The following ANKRD13D variants were observed in gnomAD, a reference collection of about 807,000 sequenced individuals.
ANKRD13D encodes the protein ankyrin repeat domain 13D, also known as ankyrin repeat domain-containing protein 13D.
In ANKRD13D, 24 loss-of-function variants were observed where a neutral mutation model predicts 68.8. That is an observed-to-expected ratio of 0.35 (90% CI 0.25 to 0.49). The LOEUF is 0.49. Among genes scored for constraint, ANKRD13D ranks in the 20% least tolerant of loss-of-function variants. ANKRD13D has a pLI of 0.99. For missense variants in ANKRD13D, 735 were observed against 832.1 expected, an observed-to-expected ratio of 0.88 and a Z score of 1.44; for synonymous variants, 331 against 336.1, an observed-to-expected ratio of 0.98 and a Z score of 0.16.
At chr11:67,291,844 A>G in intron 5 of ANKRD13D, 98 bp downstream of exon 5, 1 of 1,536,222 alleles carries the variant, frequency 6.5e-7, no homozygotes, top group Non-Finnish European at 8.7e-7. Context: ...CCAGATGTGG[A>G]AGCTGAGGTT....
Position 67,291,534 on chromosome 11 carries a change from C to T in ANKRD13D, c.397+13C>T, listed in dbSNP as rs762910949. ...TTCACCAGCTGGGGTGAGTGGGGAC[C>T]TCTGGGCTCCCAGGGATTTGGGGTG... is the stretch of plus-strand genomic sequence containing the variant. On this transcript the variant is annotated intron_variant, in intron 4 of 14. Coordinates refer to ENST00000511455, the MANE Select transcript of ANKRD13D (RefSeq NM_207354.3). The T allele has an allele frequency of 6.2e-7, 1 of 1,613,884 alleles. No individual in the cohort carries two copies. The highest frequency in any genetic ancestry group is 8.5e-7 in the Non-Finnish European group (1 of 1,179,972).
chr11:67,299,317 A>G lies in ANKRD13D; in HGVS notation c.798+193A>G. The stretch of plus-strand genomic sequence containing the variant: ...CACATCATGGGCCCCTACCCAGGGT[A>G]CCGAGATCAAAAGAGGAGTGTGTTC... On this transcript the variant is annotated intron_variant, in intron 7 of 14. Coordinates refer to ENST00000511455, the MANE Select transcript of ANKRD13D (RefSeq NM_207354.3). The surrounding 1 kb of genome is among the most constrained non-coding windows in gnomAD (Gnocchi z 6.2). 1 of 728,548 alleles carries G rather than the reference A, an allele frequency of 1.4e-6. No individual in the cohort carries two copies. Among genetic ancestry groups the G allele is most frequent in the Non-Finnish European group, 2.3e-6 (1 of 442,958 alleles). 45.1% of individuals were successfully genotyped at this position (728,548 alleles called of 1,614,324 possible).
At chr11:67,290,300 C>T (rs930392416) in intron 2 of ANKRD13D, 22 bp from the exon 3 acceptor site, 30 of 1,548,030 alleles carry the variant, frequency 1.9e-5, no homozygotes, top group Non-Finnish European at 2.6e-5. Flanking sequence ...GAGGGCTCCC[C>T]TCAGCAGCCT....
At chr11:67,298,762 T>C (rs1860859115) in intron 6 of ANKRD13D, 2 of 411,728 alleles carry the variant, frequency 4.9e-6, no homozygotes, top group Non-Finnish European at 9.0e-6. Flanking sequence ...CTAATGTTTC[T>C]AGTAAATGCT....
At position 67,302,153 on chromosome 11, in the gene ANKRD13D, C is replaced by G. The variant is rs1336347120; in HGVS notation, c.1639C>G (p.Pro547Ala). ...GGAAAGCCTGCAGCTGTCCACAGAG[C>G]CCAGGGGCCCAGGATCCCCTCCCAG... ...LQESLQLSTE[P>A]RGPGSPPRTP... Residue 547 changes from proline to alanine, a missense_variant, in exon 15 of 15, where the codon CCC becomes GCC. By Grantham distance (27) the Pro-to-Ala change is conservative. Coordinates refer to ENST00000511455, the MANE Select transcript of ANKRD13D (RefSeq NM_207354.3). The G allele has an allele frequency of 5.0e-6, 8 of 1,594,880 alleles. No individual in the cohort carries two copies. The highest frequency in any genetic ancestry group is 6.8e-6 in the Non-Finnish European group (8 of 1,171,732).
In ANKRD13D at chr11:67,301,416, A is replaced by G; in HGVS notation, c.1348+18A>G. 4 of 1,608,772 alleles carry G rather than the reference A, an allele frequency of 2.5e-6. No homozygotes were observed. The highest frequency in any genetic ancestry group is 3.4e-6 in the Non-Finnish European group (4 of 1,177,326). Reference sequence around the variant, plus strand: ...CGCATCAGGTACCCCAACGGGAGGAAGAGGGAGCCTGCACAGCTTTCTGGT... The same window carrying G: ...CGCATCAGGTACCCCAACGGGAGGAGGAGGGAGCCTGCACAGCTTTCTGGT... On this transcript the variant is annotated intron_variant, in intron 12 of 14. Coordinates refer to ENST00000511455, the MANE Select transcript of ANKRD13D (RefSeq NM_207354.3). This position sits in a 1 kb window ranked among gnomAD's most constrained non-coding sequence, Gnocchi z 4.5.
chr11:67,291,242 A>G, intron 3 of ANKRD13D: 1 of 530,320 alleles, frequency 1.9e-6, no homozygotes, highest in Non-Finnish European at 3.3e-6. Context: ...CTGTGGTCCC[A>G]GCTACTCGGG....
At chr11:67,290,274 G>C in intron 2 of ANKRD13D, 48 bp from the exon 3 acceptor site, 1 of 1,546,760 alleles carries the variant, frequency 6.5e-7, no homozygotes, top group Non-Finnish European at 8.7e-7. Flanking sequence ...TGAGCAGCCA[G>C]GCCTGGGGTC....
At position 67,290,171 on chromosome 11, in the gene ANKRD13D, C is replaced by T; in HGVS notation, c.184C>T (p.His62Tyr). The change falls in exon 2 of 15, where the codon CAC becomes TAC. Residue 62 changes from histidine to tyrosine, a missense_variant. Physicochemically the swap from His to Tyr is moderately conservative, Grantham distance 83. Transcript: ENST00000511455. ...GGAGTCTGTGAGAGTGCTCCTTCGA[C>T]ACAATGCCAACGTGGGCAAAGAGAA... ...NLESVRVLLR[H>Y]NANVGKENRQ... 1 of 1,537,422 alleles carries T rather than the reference C, an allele frequency of 6.5e-7. No homozygotes were observed. The highest frequency in any genetic ancestry group is 8.7e-7 in the Non-Finnish European group (1 of 1,146,904).
Position 67,301,516 on chromosome 11 carries a change from C to T in ANKRD13D, c.1377C>T (p.Pro459=), listed in dbSNP as rs145025950. Residue 459 remains proline, a synonymous_variant, in exon 13 of 15, where the codon CCC becomes CCT. Transcript: ENST00000511455. This position sits in a 1 kb window ranked among gnomAD's most constrained non-coding sequence, Gnocchi z 4.5. ...ACCCTTTCCCGTGCGAGGTGGACCCCACCGTGTTTGAAGTGCCCAACGGGT... is the reference window on the plus strand; with the variant it reads ...ACCCTTTCCCGTGCGAGGTGGACCCTACCGTGTTTGAAGTGCCCAACGGGT... The part of the protein sequence containing the change: ...SGNPFPCEVD[P]TVFEVPNGYS... The T allele has an allele frequency of 4.3e-5, 70 of 1,612,972 alleles. No homozygotes were observed. In the Middle Eastern group the frequency reaches 6.6e-4, roughly 15 times the overall value.
At position 67,289,366 on chromosome 11, in the gene ANKRD13D, G is replaced by A; in HGVS notation, c.-95G>A. 1.1e-6 allele frequency: 1 copy of A among 925,898 alleles called. No individual in the cohort carries two copies. The highest frequency in any genetic ancestry group is 1.4e-6 in the Non-Finnish European group (1 of 736,588). 57.4% of individuals were successfully genotyped at this position (925,898 alleles called of 1,614,324 possible). A position where few individuals can be genotyped will look rare whatever the true frequency, so the allele number is the denominator to read the frequency against. On this transcript the variant is annotated 5_prime_UTR_variant, in exon 1 of 15. Coordinates refer to ENST00000511455, the MANE Select transcript of ANKRD13D (RefSeq NM_207354.3). ...CGCCGCTACTGCTGCGGGGGCCGCGGGGGGCGCAGCTGGGGCGCGGCTCGG... is the reference window on the plus strand; with the variant it reads ...CGCCGCTACTGCTGCGGGGGCCGCGAGGGGCGCAGCTGGGGCGCGGCTCGG...
chr11:67,295,985 G>C (rs1437619129), intron 6 of ANKRD13D, among the ~76,000 whole-genome samples: 1 of 152,140 alleles, frequency 6.6e-6, no homozygotes, highest in African/African-American at 2.4e-5. Context: ...TTATTGATAT[G>C]ATCATGTGAT....
rs746414702 is a variant in ANKRD13D, at chr11:67,290,438, C to A, written c.343C>A (p.Leu115Ile). The A allele has an allele frequency of 6.3e-7, 1 of 1,583,462 alleles. No individual in the cohort carries two copies. The highest frequency in any genetic ancestry group is 8.6e-7 in the Non-Finnish European group (1 of 1,166,072). The change falls in exon 3 of 15, where the codon CTT becomes ATT. Residue 115 changes from leucine to isoleucine, a missense_variant. Leu to Ile is a conservative substitution (Grantham distance 5). Transcript: ENST00000511455. Reference sequence around the variant, plus strand: ...GGGCATTCCGGAACTGCTCAACAAACTTCGCCAGGTACAGCAGGGCACAGT... The same window carrying A: ...GGGCATTCCGGAACTGCTCAACAAAATTCGCCAGGTACAGCAGGGCACAGT... ...LAGIPELLNK[L>I]RQAPDFYVEM...
chr11:67,301,406 A>G lies in ANKRD13D; in HGVS notation c.1348+8A>G, dbSNP rs1235632571. On this transcript the variant is annotated splice_region_variant and intron_variant, in intron 12 of 14. Transcript: ENST00000511455. This position sits in a 1 kb window ranked among gnomAD's most constrained non-coding sequence, Gnocchi z 4.5. Reference sequence around the variant, plus strand: ...CTGCTGTTGCCGCATCAGGTACCCCAACGGGAGGAAGAGGGAGCCTGCACA... The same window carrying G: ...CTGCTGTTGCCGCATCAGGTACCCCGACGGGAGGAAGAGGGAGCCTGCACA... The G allele has an allele frequency of 5.0e-6, 8 of 1,609,724 alleles. No homozygotes were observed. Among genetic ancestry groups the G allele is most frequent in the Non-Finnish European group, 4.2e-6 (5 of 1,177,828 alleles).
rs375040408 is a variant in ANKRD13D, at chr11:67,301,774, C to T, written c.1555C>T (p.Arg519Cys). The T allele has an allele frequency of 2.1e-5, 34 of 1,609,696 alleles. No homozygotes were observed. Among genetic ancestry groups the T allele is most frequent in the Middle Eastern group, 1.6e-4 (1 of 6,082 alleles). Residue 519 changes from arginine (R) to cysteine (C), a missense_variant, in exon 14 of 15, where the codon CGC becomes TGC. Transcript: ENST00000511455. The surrounding 1 kb of genome is among the most constrained non-coding windows in gnomAD (Gnocchi z 4.5). ...CCTGACCAACACCCGGCCCGGTGCC[C>T]GCCCTCCTCCCCAGGCCACGGTTTA... is the stretch of plus-strand genomic sequence containing the variant. ...EALTNTRPGA[R>C]PPPQATVYEE... is the part of the protein sequence containing the mutation.
chr11:67,298,816 C>G lies in ANKRD13D; in HGVS notation c.732-242C>G, dbSNP rs1009139926. On this transcript the variant is annotated intron_variant, in intron 6 of 14. Coordinates refer to ENST00000511455, the MANE Select transcript of ANKRD13D (RefSeq NM_207354.3). ...ACAAGGATGTTTTTAAACCCAGCCC[C>G]GACACTATCATACCTCACAAGATTC... 1.1e-5 allele frequency: 6 copies of G among 544,354 alleles called. No individual in the cohort carries two copies. In the Admixed American group the frequency reaches 1.2e-4, roughly 11 times the overall value. 33.7% of individuals were successfully genotyped at this position (544,354 alleles called of 1,614,324 possible).
chr11:67,291,183 G>C (rs765225368), intron 3 of ANKRD13D: 15 of 376,364 alleles, frequency 4.0e-5, no homozygotes, highest in Non-Finnish European at 6.3e-5. Context: ...CATGGTGAAA[G>C]CCGTCTCTAC....
At chr11:67,291,553 T>G (rs1391032969) in intron 4 of ANKRD13D, 32 bp downstream of exon 4, 1 of 1,613,684 alleles carries the variant, frequency 6.2e-7, no homozygotes, top group Admixed American at 1.7e-5. Flanking sequence ...CCCAGGGATT[T>G]GGGGTGGGGC....
Position 67,302,315 on chromosome 11 carries a change from T to A in ANKRD13D, c.1801T>A (p.Ser601Thr). The change falls in exon 15 of 15, where the codon TCA becomes ACA. Residue 601 changes from serine to threonine, a missense_variant. Transcript: ENST00000511455. ...EEDLQRILQL[S>T]LTEH is the part of the protein sequence containing the mutation. ...GGACTTACAGCGGATCCTGCAGCTG[T>A]CACTCACTGAGCACTGAGCCATAGC... is the stretch of plus-strand genomic sequence containing the variant. The A allele has an allele frequency of 1.9e-6, 3 of 1,543,846 alleles. No individual in the cohort carries two copies. Among genetic ancestry groups the A allele is most frequent in the Non-Finnish European group, 2.6e-6 (3 of 1,140,892 alleles).
Sources: allele counts gnomAD v4.1 joint callset (sites outside exome capture counted in the v4.1 genomes callset), GRCh38; gene constraint gnomAD v4.1.1; non-coding constraint Gnocchi (gnomAD v3.1); transcripts MANE v1.5; gene names NCBI Gene and HGNC (gene_info 2026-07-23, HGNC 2026-07-21).